The following PLXNA4 variants were observed in gnomAD, a reference collection of about 807,000 sequenced individuals.
PLXNA4 encodes the protein plexin A4.
In PLXNA4, 44 loss-of-function variants were observed where a neutral mutation model predicts 191.8. The ratio of observed to expected loss-of-function variants is 0.23; its 90% CI spans 0.18 to 0.29. The LOEUF (loss-of-function observed/expected upper bound fraction) is 0.29. Among genes scored for constraint, PLXNA4 ranks in the 10% least tolerant of loss-of-function variants. The probability of loss-of-function intolerance (pLI) is 1.00; values close to 1 mark genes in which losing one functional copy is unlikely to be tolerated. For synonymous variants in PLXNA4, 1,082 were observed against 1,009.5 expected (o/e 1.07, Z -1.36); for missense variants, 1,800 against 2,488.8 (o/e 0.72, Z 5.89).
At chr7:132,589,705 A>G (rs778351836) in intron 2 of PLXNA4, among the ~76,000 whole-genome samples, 42 of 152,228 alleles carry the variant, frequency 2.8e-4, no homozygotes, top group African/African-American at 9.4e-4. Flanking sequence ...CTTGTGCAAC[A>G]TACATTCTGG....
intron 4 of PLXNA4, among the ~76,000 whole-genome samples, chr7:132,265,871 G>C (rs751348075): frequency 6.6e-6 from 1 of 152,174 alleles, no homozygotes; most frequent in Non-Finnish European, 1.5e-5. Flanking sequence ...CAAACCACAT[G>C]GTCACACCCT....
At chr7:132,633,946 C>T (rs1210998525) in intron 2 of PLXNA4, among the ~76,000 whole-genome samples, 1 of 152,054 alleles carries the variant, frequency 6.6e-6, no homozygotes, top group Non-Finnish European at 1.5e-5. Flanking sequence ...CACACACACA[C>T]GCACATGCAC....
At chr7:132,632,830 C>G (rs779903326) in intron 2 of PLXNA4, among the ~76,000 whole-genome samples, 15 of 152,070 alleles carry the variant, frequency 9.9e-5, no homozygotes, top group Non-Finnish European at 1.8e-4. Context: ...CAACATTTTC[C>G]CCATTTTGCT....
chr7:132,191,512 A>G (rs1215943262), intron 14 of PLXNA4, among the ~76,000 whole-genome samples: 1 of 152,198 alleles, frequency 6.6e-6, no homozygotes, highest in Non-Finnish European at 1.5e-5. Flanking sequence ...AGCAGGGCAG[A>G]GGCAGCTAAG....
At chr7:132,592,839 C>A (rs1802625315) in intron 2 of PLXNA4, among the ~76,000 whole-genome samples, 1 of 150,836 alleles carries the variant, frequency 6.6e-6, no homozygotes, top group South Asian at 2.1e-4. Context: ...CCCCTACGTG[C>A]CTTTTTTTTT....
intron 3 of PLXNA4, among the ~76,000 whole-genome samples, chr7:132,397,254 A>G (rs541998920): frequency 6.6e-6 from 1 of 152,318 alleles, no homozygotes; most frequent in African/African-American, 2.4e-5. Flanking sequence ...GCAATTCTGG[A>G]TTGTTTGTTG....
chr7:132,244,102 CA>C (rs1303952047), intron 4 of PLXNA4, among the ~76,000 whole-genome samples: 1 of 152,212 alleles, frequency 6.6e-6, no homozygotes, highest in African/African-American at 2.4e-5. Context: ...GACAGGGACA[CA>C]AGTCCTGCAC....
In PLXNA4 at chr7:132,179,717, C is replaced by T; in HGVS notation, c.3844G>A (p.Glu1282Lys). The change falls in exon 20 of 32, where the codon GAG (glutamate) becomes AAG (lysine). Residue 1282 changes from glutamate (E) to lysine (K), a missense_variant. Coordinates refer to ENST00000321063, the MANE Select transcript of PLXNA4 (RefSeq NM_020911.2). Reference sequence around the variant, plus strand: ...TTGCACTCCAGGGCCACACGGGACTCCAGGTTGTCCATCTGCATCTGCAGC... The same window carrying T: ...TTGCACTCCAGGGCCACACGGGACTTCAGGTTGTCCATCTGCATCTGCAGC... ...KRLQMQMDNL[E>K]SRVALECKEA... The T allele has an allele frequency of 6.2e-7, 1 of 1,614,086 alleles. No homozygotes were observed.
chr7:132,419,421 T>A (rs1468827663), intron 3 of PLXNA4, among the ~76,000 whole-genome samples: 3 of 152,230 alleles, frequency 2.0e-5, no homozygotes, highest in Non-Finnish European at 4.4e-5. Context: ...TGGGTTCACC[T>A]AGACAAGGAG....
At chr7:132,190,865 A>G (rs1797064442) in intron 14 of PLXNA4, among the ~76,000 whole-genome samples, 1 of 152,336 alleles carries the variant, frequency 6.6e-6, no homozygotes, top group South Asian at 2.1e-4. Flanking sequence ...GACGAGGAGC[A>G]GGGCACAAAG....
Position 132,258,065 on chromosome 7 carries a change from G to A in PLXNA4, c.1504-16899C>T, listed in dbSNP as rs144708298. ...TGGACAGAAAGCTCCACCCCGTAGG[G>A]CCCATCTAATCTCTGCAAGACTCCT... On this transcript the variant is annotated intron_variant, in intron 4 of 31. Transcript: ENST00000321063. 5.9e-5 allele frequency among the ~76,000 whole-genome samples: 9 copies of A among 152,324 alleles called. No individual in the cohort carries two copies. In the East Asian group the frequency reaches 1.5e-3, roughly 26 times the overall value.
intron 4 of PLXNA4, among the ~76,000 whole-genome samples, chr7:132,251,180 T>G (rs1417310552): frequency 6.6e-6 from 1 of 151,948 alleles, no homozygotes; most frequent in South Asian, 2.1e-4. Context: ...CTTCATCAGC[T>G]GTACTCCTAG....
intron 4 of PLXNA4, among the ~76,000 whole-genome samples, chr7:132,261,444 C>A (rs368787719): frequency 6.6e-5 from 10 of 152,298 alleles, no homozygotes; most frequent in African/African-American, 1.9e-4. Context: ...CCAGATGTGC[C>A]CAGGCCCATC....
At chr7:132,458,118 G>C (rs1248684915) in intron 3 of PLXNA4, among the ~76,000 whole-genome samples, 1 of 152,074 alleles carries the variant, frequency 6.6e-6, no homozygotes, top group Non-Finnish European at 1.5e-5. Flanking sequence ...AATATACCCA[G>C]GTGTATCTCC....
chr7:132,463,708 G>A (rs1796598875), intron 3 of PLXNA4, among the ~76,000 whole-genome samples: 1 of 152,166 alleles, frequency 6.6e-6, no homozygotes, highest in African/African-American at 2.4e-5. Flanking sequence ...CACACCATGA[G>A]GGCCACTGTC....
At chr7:132,625,978 A>G (rs1803362517) in intron 2 of PLXNA4, among the ~76,000 whole-genome samples, 1 of 152,194 alleles carries the variant, frequency 6.6e-6, no homozygotes, top group South Asian at 2.1e-4. Flanking sequence ...AGTCTGAAAT[A>G]GAAGCTTTAA....
At chr7:132,307,139 C>CT (rs1801554852) in intron 3 of PLXNA4, among the ~76,000 whole-genome samples, 1 of 152,130 alleles carries the variant, frequency 6.6e-6, no homozygotes, top group Non-Finnish European at 1.5e-5. Context: ...CAGGCCCTCA[C>CT]TGCCAATATC....
rs145620129 is a variant in PLXNA4 at position 132,472,935 on chromosome 7, G to A, written c.1371+16357C>T. On this transcript the variant is annotated intron_variant, in intron 3 of 31. Transcript: ENST00000321063. ...AGTTCCAGGACAGGTCCACAGATAC[G>A]GACACACTTCGTTTGAGATGAGTGA... 5.6e-3 allele frequency among the ~76,000 whole-genome samples: 851 copies of A among 152,282 alleles called. 4 individuals are homozygous for A. The highest frequency in any genetic ancestry group is 0.018 in the South Asian group (86 of 4,828).
At chr7:132,521,200 A>C (rs1413825547) in intron 1 of PLXNA4, among the ~76,000 whole-genome samples, 1 of 151,710 alleles carries the variant, frequency 6.6e-6, no homozygotes, top group Non-Finnish European at 1.5e-5. Context: ...AAAAAAAAAA[A>C]AATTCAGAAT....
Sources: gnomAD v4.1 joint callset for allele counts (sites outside exome capture counted in the v4.1 genomes callset) on GRCh38, gnomAD v4.1.1 for gene constraint, MANE v1.5 for transcripts, NCBI Gene and HGNC (gene_info 2026-07-23, HGNC 2026-07-21) for gene names.